Variants in ELOVL6 observed in about 807,000 individuals in gnomAD.
ELOVL6 encodes very long chain fatty acid elongase 6.
Under a neutral mutation model 31.7 loss-of-function variants are expected in ELOVL6, and 8 were observed. The observed-to-expected ratio is 0.25, with a 90% CI of 0.15 to 0.45. ELOVL6 has a LOEUF of 0.45. Ranked by LOEUF, ELOVL6 falls within the 20% of genes least tolerant of loss-of-function variation. The probability of loss-of-function intolerance (pLI) is 1.00; values close to 1 mark genes in which losing one functional copy is unlikely to be tolerated. For synonymous variants in ELOVL6, 101 were observed against 117.7 expected (o/e 0.86, Z 0.92); for missense variants, 126 against 326.4 (o/e 0.39, Z 4.73).
intron 1 of ELOVL6, among the ~76,000 whole-genome samples, chr4:110,168,721 T>A (rs765109116): frequency 6.6e-6 from 1 of 151,010 alleles, no homozygotes; most frequent in Non-Finnish European, 1.5e-5. Flanking sequence ...AGACCCAGAC[T>A]CTGTGGACAG....
chr4:110,081,045 G>A (rs929901999), intron 2 of ELOVL6, among the ~76,000 whole-genome samples: 15 of 152,086 alleles, frequency 9.9e-5, no homozygotes, highest in Admixed American at 5.2e-4. Flanking sequence ...GGGATGTGAA[G>A]GACCTCTTCA....
intron 1 of ELOVL6, among the ~76,000 whole-genome samples, chr4:110,169,375 A>C (rs367958990): frequency 6.6e-6 from 1 of 151,532 alleles, no homozygotes; most frequent in South Asian, 2.1e-4. Flanking sequence ...AGTAGCTGGG[A>C]CTACAGGTGC....
At chr4:110,058,080 C>G (rs1011712167) in intron 3 of ELOVL6, among the ~76,000 whole-genome samples, 1 of 152,146 alleles carries the variant, frequency 6.6e-6, no homozygotes, top group African/African-American at 2.4e-5. Flanking sequence ...TAGCCTATGA[C>G]TTCATACCTA....
At chr4:110,062,889 TGAG>T (rs1175640770) in intron 2 of ELOVL6, among the ~76,000 whole-genome samples, 1 of 152,190 alleles carries the variant, frequency 6.6e-6, no homozygotes, top group Admixed American at 6.5e-5. Context: ...TCCTCTGAAA[TGAG>T]AATAATATCT....
chr4:110,073,342 CAT>C (rs1249837011), intron 2 of ELOVL6, among the ~76,000 whole-genome samples: 2 of 151,718 alleles, frequency 1.3e-5, no homozygotes, highest in African/African-American at 4.8e-5. Flanking sequence ...GTAGGAAAAA[CAT>C]AAAATATCAT....
intron 1 of ELOVL6, among the ~76,000 whole-genome samples, chr4:110,181,706 C>T (rs1759279860): frequency 6.6e-6 from 1 of 152,088 alleles, no homozygotes; most frequent in African/African-American, 2.4e-5. Flanking sequence ...GAAAGGTAAC[C>T]TTCTCCATCT....
rs112390347 is a variant in ELOVL6 at position 110,105,657 on chromosome 4, A to G, written c.90-29T>C. 2,028 of 1,600,348 alleles carry G rather than the reference A, an allele frequency of 1.3e-3. 18 individuals are homozygous for G. The African/African-American group carries it at 0.023, about 18-fold the overall frequency. On this transcript the variant is annotated intron_variant, in intron 1 of 3. Transcript: ENST00000302274. ...CAAACAAGCAAACAAAATCTTTAAG[A>G]TATTTTTAGTCATTAGGAAACACCA...
At chr4:110,128,940 T>C (rs1384118305) in intron 1 of ELOVL6, among the ~76,000 whole-genome samples, 1 of 152,194 alleles carries the variant, frequency 6.6e-6, no homozygotes, top group African/African-American at 2.4e-5. Context: ...TGAGGATAGA[T>C]AAGTAGGTAA....
chr4:110,103,617 C>T (rs192223666), intron 2 of ELOVL6, among the ~76,000 whole-genome samples: 30 of 152,158 alleles, frequency 2.0e-4, no homozygotes, highest in African/African-American at 6.3e-4. Context: ...TGTAATAAAC[C>T]TTCTAGATCT....
chr4:110,146,102 G>A (rs1167539856), intron 1 of ELOVL6, among the ~76,000 whole-genome samples: 1 of 148,106 alleles, frequency 6.8e-6, no homozygotes, highest in Non-Finnish European at 1.5e-5. Context: ...TACACTACAG[G>A]GCTATAGTAA....
At chr4:110,137,113 G>T (rs1757833854) in intron 1 of ELOVL6, among the ~76,000 whole-genome samples, 1 of 152,036 alleles carries the variant, frequency 6.6e-6, no homozygotes, top group Non-Finnish European at 1.5e-5. Flanking sequence ...TAGTTTCTTT[G>T]GTTTCCTTAG....
At chr4:110,099,074 A>G (rs1756670657) in intron 2 of ELOVL6, among the ~76,000 whole-genome samples, 1 of 152,172 alleles carries the variant, frequency 6.6e-6, no homozygotes, top group East Asian at 1.9e-4. Context: ...ATATAGGTTA[A>G]GAACTGTCAT....
chr4:110,046,043 G>A lies in ELOVL6; in HGVS notation c.*5295C>T, dbSNP rs1222781952. 6.6e-6 allele frequency: 1 copy of A among 152,090 alleles called. No homozygotes were observed. Among genetic ancestry groups the A allele is most frequent in the African/African-American group, 2.4e-5 (1 of 41,396 alleles). 9.4% of individuals were successfully genotyped at this position (152,090 alleles called of 1,614,324 possible). ...CCCCAAGAAGCTGAATCTTCCAGTG[G>A]TTTTCAAGATAGCAGCAAGCAACCT... On this transcript the variant is annotated 3_prime_UTR_variant, in exon 4 of 4. Coordinates refer to ENST00000302274, the MANE Select transcript of ELOVL6 (RefSeq NM_024090.3).
intron 2 of ELOVL6, among the ~76,000 whole-genome samples, chr4:110,073,618 C>A (rs1456463175): frequency 6.6e-6 from 1 of 152,128 alleles, no homozygotes. Flanking sequence ...GAAGTCTCTA[C>A]ATTTCCTCCA....
chr4:110,164,369 G>A (rs143958309), intron 1 of ELOVL6, among the ~76,000 whole-genome samples: 138 of 152,194 alleles, frequency 9.1e-4, no homozygotes, highest in African/African-American at 3.2e-3. Context: ...AAAGTAAAAC[G>A]GTTTGTATAG....
chr4:110,102,940 A>C (rs1020313945), intron 2 of ELOVL6, among the ~76,000 whole-genome samples: 3 of 3,956 alleles, frequency 7.6e-4, no homozygotes, highest in Non-Finnish European at 1.1e-3. Flanking sequence ...GGGGGCGGGT[A>C]GGGGGTGGGG....
At chr4:110,182,961 C>T (rs1759334134) in intron 1 of ELOVL6, among the ~76,000 whole-genome samples, 1 of 152,072 alleles carries the variant, frequency 6.6e-6, no homozygotes, top group South Asian at 2.1e-4. Flanking sequence ...AAACTCTGAC[C>T]TTATTTCTCT....
At chr4:110,120,798 CTTTTTTTTTTT>C (rs1008949209) in intron 1 of ELOVL6, among the ~76,000 whole-genome samples, 1 of 117,862 alleles carries the variant, frequency 8.5e-6, no homozygotes, top group African/African-American at 3.0e-5. Context: ...TTTTTCTTTT[CTTTTTTTTTTT>C]TTTTTTTTTG....
At chr4:110,197,086 G>A (rs1418155010) in intron 1 of ELOVL6, among the ~76,000 whole-genome samples, 1 of 152,210 alleles carries the variant, frequency 6.6e-6, no homozygotes, top group Non-Finnish European at 1.5e-5. Context: ...CGCGGGGCAC[G>A]CGCGCTCGCG....
Sources: gnomAD v4.1 joint callset for allele counts (sites outside exome capture counted in the v4.1 genomes callset) on GRCh38, gnomAD v4.1.1 for gene constraint, MANE v1.5 for transcripts, NCBI Gene and HGNC (gene_info 2026-07-23, HGNC 2026-07-21) for gene names.